PDE5A: variants seen among roughly 807,000 people sequenced by gnomAD.
The protein encoded by PDE5A is cGMP-specific 3',5'-cyclic phosphodiesterase.
In PDE5A, 67 loss-of-function variants were observed where a neutral mutation model predicts 110.2. That is an observed-to-expected ratio of 0.61 (90% CI 0.50 to 0.75). The LOEUF is 0.75. Among genes scored for constraint, PDE5A ranks in the 30% least tolerant of loss-of-function variants. The pLI is 0.00. For missense variants in PDE5A, 862 were observed against 1,045.1 expected (o/e 0.82, Z 2.42); for synonymous variants, 328 against 351.2 (o/e 0.93, Z 0.74).
At chr4:119,558,916 C>A (rs75818478) in intron 7 of PDE5A, among the ~76,000 whole-genome samples, 981 of 104,534 alleles carry the variant, frequency 9.4e-3, no homozygotes, top group East Asian at 0.012. Flanking sequence ...GACTCCGTCT[C>A]AAAAAAAAAA....
chr4:119,567,247 A>G, intron 3 of PDE5A, 103 bp from the exon 4 acceptor site: 1 of 815,238 alleles, frequency 1.2e-6, no homozygotes. Flanking sequence ...GTGCTTTAAA[A>G]TAACACTAGT....
At chr4:119,622,332 G>T (rs1305019035) in intron 1 of PDE5A, among the ~76,000 whole-genome samples, 1 of 152,258 alleles carries the variant, frequency 6.6e-6, no homozygotes, top group African/African-American at 2.4e-5. Flanking sequence ...TAAAAGTAGA[G>T]AAGATAATTC....
chr4:119,580,923 G>A (rs1316578435), intron 3 of PDE5A, among the ~76,000 whole-genome samples: 2 of 152,240 alleles, frequency 1.3e-5, no homozygotes, highest in Non-Finnish European at 2.9e-5. Context: ...CGACTTCAGA[G>A]CCCTGGATCT....
chr4:119,499,339 A>C (rs1249736762), intron 20 of PDE5A, among the ~76,000 whole-genome samples: 1 of 152,146 alleles, frequency 6.6e-6, no homozygotes. Flanking sequence ...ATAAAAAGAA[A>C]CCTCACAGAA....
intron 1 of PDE5A, among the ~76,000 whole-genome samples, chr4:119,623,217 C>A (rs953315838): frequency 3.3e-5 from 5 of 152,166 alleles, no homozygotes; most frequent in Admixed American, 1.3e-4. Context: ...GCCACATTCA[C>A]CAGCTGTAAT....
At chr4:119,613,128 G>T (rs1729814485) in intron 1 of PDE5A, among the ~76,000 whole-genome samples, 1 of 152,142 alleles carries the variant, frequency 6.6e-6, no homozygotes, top group South Asian at 2.1e-4. Flanking sequence ...TGACCCTGCT[G>T]CAAAAGCCAA....
intron 1 of PDE5A, among the ~76,000 whole-genome samples, chr4:119,615,763 T>C (rs1371124709): frequency 6.6e-6 from 1 of 152,144 alleles, no homozygotes; most frequent in Non-Finnish European, 1.5e-5. Flanking sequence ...CTTTCATGTA[T>C]AAGTGTATCT....
intron 15 of PDE5A, among the ~76,000 whole-genome samples, chr4:119,509,343 G>A (rs1034655648): frequency 6.6e-6 from 1 of 151,940 alleles, no homozygotes; most frequent in South Asian, 2.1e-4. Context: ...TGGTTTGAGG[G>A]GCCCTGCAAT....
intron 1 of PDE5A, among the ~76,000 whole-genome samples, chr4:119,619,505 ATTCCAGTTCCCT>A (rs1343966773): frequency 1.3e-5 from 2 of 152,206 alleles, no homozygotes; most frequent in African/African-American, 4.8e-5. Flanking sequence ...CTGGGCTCCC[ATTCCAGTTCCCT>A]TTCCAGTACC....
intron 11 of PDE5A, among the ~76,000 whole-genome samples, chr4:119,526,266 C>A (rs1578744465): frequency 6.6e-6 from 1 of 152,258 alleles, no homozygotes; most frequent in East Asian, 1.9e-4. Context: ...GGCCTCCAGT[C>A]CAGGAAGACT....
chr4:119,554,279 C>T (rs569358309), intron 7 of PDE5A, among the ~76,000 whole-genome samples: 9 of 151,934 alleles, frequency 5.9e-5, no homozygotes, highest in Non-Finnish European at 1.3e-4. Context: ...AGCATCTTTC[C>T]CTTTGTTCAG....
At chr4:119,541,628 T>C (rs892288508) in intron 10 of PDE5A, 1 of 152,112 alleles carries the variant, frequency 6.6e-6, no homozygotes, top group Admixed American at 6.6e-5. Flanking sequence ...TTAAGAGAGA[T>C]TGAGGGAAAT....
At chr4:119,607,386 T>G (rs999731834) in intron 1 of PDE5A, 89 bp from the exon 2 acceptor site, 2 of 721,708 alleles carry the variant, frequency 2.8e-6, no homozygotes, top group Non-Finnish European at 4.6e-6. Context: ...CATGGTAAAC[T>G]GATGAGATAA....
chr4:119,508,850 AAT>A (rs889877024), intron 15 of PDE5A, among the ~76,000 whole-genome samples: 1 of 152,056 alleles, frequency 6.6e-6, no homozygotes, highest in Non-Finnish European at 1.5e-5. Context: ...ACAAAGATAG[AAT>A]ATATAGATAG....
intron 11 of PDE5A, among the ~76,000 whole-genome samples, chr4:119,532,459 A>C (rs570984648): frequency 7.0e-4 from 106 of 152,196 alleles, no homozygotes; most frequent in African/African-American, 2.4e-3. Context: ...TCAATGCCTC[A>C]CTTAAGACAA....
intron 3 of PDE5A, among the ~76,000 whole-genome samples, chr4:119,589,975 CAG>C (rs1347830346): frequency 6.6e-6 from 1 of 152,186 alleles, no homozygotes; most frequent in Non-Finnish European, 1.5e-5. Context: ...GTGCTTACTG[CAG>C]AGTCTCAAGA....
chr4:119,595,843 G>A (rs1465568876), intron 3 of PDE5A, among the ~76,000 whole-genome samples: 1 of 152,160 alleles, frequency 6.6e-6, no homozygotes, highest in Non-Finnish European at 1.5e-5. Flanking sequence ...TTCTGTTTCT[G>A]TGGAGAACCC....
At chr4:119,588,458 T>A (rs1553928741) in intron 3 of PDE5A, among the ~76,000 whole-genome samples, 1 of 151,118 alleles carries the variant, frequency 6.6e-6, no homozygotes. Context: ...ATTACAGGCG[T>A]GAGCCACCGC....
intron 8 of PDE5A, among the ~76,000 whole-genome samples, chr4:119,553,316 C>A (rs1727423975): frequency 6.6e-6 from 1 of 151,942 alleles, no homozygotes; most frequent in Admixed American, 6.6e-5. Flanking sequence ...CTAATTTTTG[C>A]AAATAAGGCA....
Sources: allele counts gnomAD v4.1 joint callset (sites outside exome capture counted in the v4.1 genomes callset), GRCh38; gene constraint gnomAD v4.1.1; transcripts MANE v1.5; gene names NCBI Gene and HGNC (gene_info 2026-07-23, HGNC 2026-07-21).